Variants in NRG1 observed in about 807,000 individuals in gnomAD.
NRG1 encodes pro-neuregulin-1, membrane-bound isoform.
In NRG1, 18 loss-of-function variants were observed where a neutral mutation model predicts 63.8. The observed-to-expected ratio is 0.28, with a 90% CI of 0.19 to 0.42. The LOEUF is 0.42. NRG1 is among the 10% of genes least tolerant of loss of function. The probability of loss-of-function intolerance (pLI) is 1.00; values close to 1 mark genes in which losing one functional copy is unlikely to be tolerated. For synonymous variants in NRG1, 302 were observed against 301.3 expected, an observed-to-expected ratio of 1.00 and a Z score of -0.02; for missense variants, 762 against 814.7, an observed-to-expected ratio of 0.94 and a Z score of 0.79.
chr8:31,722,711 C>T (rs968592695), intron 1 of NRG1, among the ~76,000 whole-genome samples: 1 of 152,050 alleles, frequency 6.6e-6, no homozygotes, highest in Non-Finnish European at 1.5e-5. Flanking sequence ...AATAACCAGA[C>T]ACATAGAGTA....
At chr8:32,269,765 C>T (rs951463851) in intron 1 of NRG1, among the ~76,000 whole-genome samples, 1 of 152,070 alleles carries the variant, frequency 6.6e-6, no homozygotes, top group Admixed American at 6.5e-5. Context: ...CTCAAGATGT[C>T]AAATAATTAG....
At chr8:32,306,749 G>C (rs1361294622) in intron 1 of NRG1, among the ~76,000 whole-genome samples, 1 of 152,162 alleles carries the variant, frequency 6.6e-6, no homozygotes, top group African/African-American at 2.4e-5. Flanking sequence ...CGAATTTTGT[G>C]ATCTTGTTCA....
intron 1 of NRG1, among the ~76,000 whole-genome samples, chr8:31,977,974 T>A (rs1808469384): frequency 6.6e-6 from 1 of 152,094 alleles, no homozygotes; most frequent in Non-Finnish European, 1.5e-5. Context: ...CTGATAGATG[T>A]TCAGTGCCTC....
chr8:31,654,377 C>T (rs1024845286), intron 1 of NRG1, among the ~76,000 whole-genome samples: 1 of 152,186 alleles, frequency 6.6e-6, no homozygotes, highest in African/African-American at 2.4e-5. Context: ...GTCTTTTGTG[C>T]ATCTGTATCA....
chr8:32,067,730 T>C (rs1250807060), intron 1 of NRG1, among the ~76,000 whole-genome samples: 1 of 152,226 alleles, frequency 6.6e-6, no homozygotes, highest in Non-Finnish European at 1.5e-5. Context: ...TTAAACTTGG[T>C]TTAAAAAATT....
At chr8:31,834,888 T>C (rs753528194) in intron 1 of NRG1, among the ~76,000 whole-genome samples, 24 of 152,204 alleles carry the variant, frequency 1.6e-4, no homozygotes, top group Non-Finnish European at 5.9e-5. Context: ...GCATGTTGTA[T>C]ATCAAGGTTT....
At chr8:31,743,078 G>C (rs771715529) in intron 1 of NRG1, among the ~76,000 whole-genome samples, 1 of 151,866 alleles carries the variant, frequency 6.6e-6, no homozygotes, top group Non-Finnish European at 1.5e-5. Context: ...TCACCGTTTT[G>C]AGCTCAAATA....
intron 5 of NRG1, among the ~76,000 whole-genome samples, chr8:32,708,505 A>AT (rs1442485623): frequency 2.0e-5 from 3 of 152,230 alleles, no homozygotes; most frequent in African/African-American, 7.2e-5. Flanking sequence ...GAGAACCTCC[A>AT]TTGAATAAGA....
intron 1 of NRG1, among the ~76,000 whole-genome samples, chr8:32,061,127 T>A (rs990261491): frequency 1.3e-5 from 2 of 151,962 alleles, no homozygotes; most frequent in African/African-American, 4.8e-5. Flanking sequence ...ATATAAATAT[T>A]TAGTAGAATC....
At chr8:31,766,939 A>C (rs868852859) in intron 1 of NRG1, among the ~76,000 whole-genome samples, 2 of 152,210 alleles carry the variant, frequency 1.3e-5, no homozygotes, top group Non-Finnish European at 1.5e-5. Context: ...TGGTCATCTG[A>C]ACATTCCGTG....
chr8:31,773,452 T>C (rs1211821573), intron 1 of NRG1, among the ~76,000 whole-genome samples: 1 of 152,186 alleles, frequency 6.6e-6, no homozygotes, highest in Non-Finnish European at 1.5e-5. Context: ...ACTGTCAAAA[T>C]ATGTCATGAG....
intron 1 of NRG1, among the ~76,000 whole-genome samples, chr8:31,648,875 T>C (rs911952202): frequency 6.6e-6 from 1 of 152,264 alleles, no homozygotes. Context: ...AAATGTCTTC[T>C]CAAATCCCTG....
At chr8:31,896,806 G>C (rs2129614698) in intron 1 of NRG1, among the ~76,000 whole-genome samples, 1 of 152,290 alleles carries the variant, frequency 6.6e-6, no homozygotes, top group Non-Finnish European at 1.5e-5. Flanking sequence ...TTAATTGCTT[G>C]TTACTCTATG....
intron 1 of NRG1, among the ~76,000 whole-genome samples, chr8:32,218,931 T>C (rs1489537737): frequency 1.3e-5 from 2 of 152,170 alleles, no homozygotes; most frequent in Non-Finnish European, 2.9e-5. Flanking sequence ...CCTTAATAAC[T>C]ACAGATTCAG....
intron 1 of NRG1, among the ~76,000 whole-genome samples, chr8:32,157,087 TGTG>T (rs1156670239): frequency 1.1e-4 from 16 of 148,294 alleles, no homozygotes; most frequent in African/African-American, 4.0e-4. Context: ...TGTGTGTGTG[TGTG>T]TAAGGAGAGG....
At chr8:32,620,521 G>A (rs201064661) in intron 5 of NRG1, among the ~76,000 whole-genome samples, 343 of 121,856 alleles carry the variant, frequency 2.8e-3, no homozygotes, top group Non-Finnish European at 2.8e-3. Flanking sequence ...TGGATTAGAA[G>A]AAAAAAAAAA....
At chr8:32,508,312 A>G (rs1828780657) in intron 1 of NRG1, among the ~76,000 whole-genome samples, 2 of 150,510 alleles carry the variant, frequency 1.3e-5, no homozygotes, top group South Asian at 2.1e-4. Flanking sequence ...TTTTTTTGAG[A>G]CAGAGTTTCA....
chr8:32,106,276 T>C (rs138124448), intron 1 of NRG1, among the ~76,000 whole-genome samples: 2 of 152,350 alleles, frequency 1.3e-5, no homozygotes, highest in African/African-American at 4.8e-5. Flanking sequence ...CAAAATTTTC[T>C]TTTTATAGCA....
At chr8:32,265,212 A>G (rs577249627) in intron 1 of NRG1, among the ~76,000 whole-genome samples, 2 of 152,202 alleles carry the variant, frequency 1.3e-5, no homozygotes, top group East Asian at 3.9e-4. Context: ...GTGTACACCT[A>G]TAGTCCCAGC....
Sources: allele counts gnomAD v4.1 joint callset (sites outside exome capture counted in the v4.1 genomes callset), GRCh38; gene constraint gnomAD v4.1.1; transcripts MANE v1.5; gene names NCBI Gene and HGNC (gene_info 2026-07-23, HGNC 2026-07-21).